Variants in PDGFRB observed in about 807,000 individuals in gnomAD.
PDGFRB encodes platelet derived growth factor receptor beta, also known as platelet-derived growth factor receptor beta.
Under a neutral mutation model 120.2 loss-of-function variants are expected in PDGFRB, and 42 were observed. That is an observed-to-expected ratio of 0.35 (90% CI 0.27 to 0.45). The LOEUF (loss-of-function observed/expected upper bound fraction) is 0.45, where lower values mean the gene tolerates loss of function less well. Among genes scored for constraint, PDGFRB ranks in the 20% least tolerant of loss-of-function variants. PDGFRB has a pLI of 1.00. For synonymous variants in PDGFRB, 586 were observed against 606.8 expected (o/e 0.97, Z 0.50); for missense variants, 1,149 against 1,476.3 (o/e 0.78, Z 3.63).
rs574382077 is a variant in PDGFRB, at chr5:150,125,647, G to A, written c.1675-70C>T. 2.7e-4 allele frequency: 409 copies of A among 1,495,500 alleles called. 1 individual carries two copies. In the African/African-American group the frequency reaches 4.1e-3, roughly 15 times the overall value. 92.6% of individuals were successfully genotyped at this position (1,495,500 alleles called of 1,614,324 possible). The stretch of plus-strand genomic sequence containing the variant: ...GCCCTGAGCCCCATTAGGTTCGTCC[G>A]TCTAGGACACATGGGGCAGGAGACC... On this transcript the variant is annotated intron_variant, in intron 11 of 22. Transcript: ENST00000261799.
intron 1 of PDGFRB, among the ~76,000 whole-genome samples, chr5:150,146,721 C>T (rs1293032600): frequency 6.6e-6 from 1 of 152,142 alleles, no homozygotes; most frequent in African/African-American, 2.4e-5. Context: ...ACCACAACTG[C>T]CAAAACCTGA....
At position 150,130,590 on chromosome 5, in the gene PDGFRB, C is replaced by T. The variant is rs746042729; in HGVS notation, c.1316G>A (p.Arg439Gln). 51 of 1,611,906 alleles carry T rather than the reference C, an allele frequency of 3.2e-5. No homozygotes were observed. Among genetic ancestry groups the T allele is most frequent in the South Asian group, 2.0e-4 (18 of 90,866 alleles). Residue 439 changes from arginine (R) to glutamine (Q), a missense_variant, in exon 9 of 23, where the codon CGG becomes CAG. Around this residue, in one of 3 missense-constraint regions of PDGFRB, gnomAD observed 879 missense variants for 1,108.6 expected, o/e 0.79. Transcript: ENST00000261799. ...SGEQTVRCRG[R>Q]GMPQPNIIWS... ...GATGATGTTCGGCTGGGGCATGCCC[C>T]GGCCACGACAGCGGACTGTCTGTTC...
intron 1 of PDGFRB, chr5:150,137,405 C>G (rs1760663133): frequency 4.7e-6 from 1 of 213,070 alleles, no homozygotes; most frequent in South Asian, 1.2e-4. Context: ...CCTACCAGCT[C>G]TGACAGCCTG....
rs890800361 is a variant in PDGFRB, at chr5:150,133,995, G to T, written c.645C>A (p.Asn215Lys). The stretch of plus-strand genomic sequence containing the variant: ...CAGTCTGCACTGCGTTCACAGAGAC[G>T]TTGATGGATGACACTGGTAGAGAGA... Reference protein sequence around the residue: ...YVYRLQVSSINVSVNAVQTVV... With the variant: ...YVYRLQVSSIKVSVNAVQTVV... The change falls in exon 5 of 23, where the codon AAC becomes AAA. Residue 215 changes from asparagine to lysine, a missense_variant. Coordinates refer to ENST00000261799, the MANE Select transcript of PDGFRB (RefSeq NM_002609.4). 1 of 1,614,020 alleles carries T rather than the reference G, an allele frequency of 6.2e-7. No individual in the cohort carries two copies. Among genetic ancestry groups the T allele is most frequent in the Non-Finnish European group, 8.5e-7 (1 of 1,179,928 alleles).
chr5:150,155,068 C>T (rs1395999854), intron 1 of PDGFRB, among the ~76,000 whole-genome samples: 1 of 152,102 alleles, frequency 6.6e-6, no homozygotes, highest in African/African-American at 2.4e-5. Context: ...CCCTCTCCCG[C>T]TCTTCCCAGC....
chr5:150,129,041 G>A (rs1184919172), intron 10 of PDGFRB, among the ~76,000 whole-genome samples: 1 of 152,170 alleles, frequency 6.6e-6, no homozygotes, highest in Non-Finnish European at 1.5e-5. Flanking sequence ...GAAATTACAC[G>A]TGTATGTGTA....
At chr5:150,153,640 C>T (rs559664781) in intron 1 of PDGFRB, 1 of 152,308 alleles carries the variant, frequency 6.6e-6, no homozygotes, top group Admixed American at 6.5e-5. Context: ...GGTAGGTGTT[C>T]AGGGACTGTA....
intron 1 of PDGFRB, among the ~76,000 whole-genome samples, chr5:150,155,178 G>C (rs900536141): frequency 1.3e-5 from 2 of 152,072 alleles, no homozygotes; most frequent in African/African-American, 4.8e-5. Flanking sequence ...CAGCAGGGAT[G>C]ATGAGGTGGA....
chr5:150,115,805 C>T lies in PDGFRB; in HGVS notation c.3279G>A (p.Gly1093=), dbSNP rs770720319. 1 of 1,612,322 alleles carries T rather than the reference C, an allele frequency of 6.2e-7. No homozygotes were observed. The highest frequency in any genetic ancestry group is 8.5e-7 in the Non-Finnish European group (1 of 1,179,280). The stretch of plus-strand genomic sequence containing the variant: ...CTGCTTCCGCCCGAGGCGCAGGGCA[C>T]CCCGAATCCGGCAACTGTTCCAGCT... The part of the protein sequence containing the change: ...EPELEQLPDS[G]CPAPRAEAED... Residue 1093 remains glycine, a synonymous_variant, in exon 23 of 23, where the codon GGG becomes GGA. Transcript: ENST00000261799.
Position 150,129,748 on chromosome 5 carries a change from G to T in PDGFRB, c.1579+9C>A, listed in dbSNP as rs1760400252. ...GGATCGTCAGGGGCCACTGAGGCTG[G>T]GGACTCACAGTGTGGCACCACGATG... On this transcript the variant is annotated intron_variant, in intron 10 of 22. Transcript: ENST00000261799. 6.2e-7 allele frequency: 1 copy of T among 1,605,392 alleles called. No homozygotes were observed.
chr5:150,133,530 G>C, intron 6 of PDGFRB, 56 bp downstream of exon 6: 2 of 1,442,510 alleles, frequency 1.4e-6, no homozygotes, highest in South Asian at 2.3e-5. Context: ...AGCAAAGTGG[G>C]TGAGGGTGGG....
chr5:150,153,161 C>T (rs868232838), intron 1 of PDGFRB, among the ~76,000 whole-genome samples: 1 of 152,198 alleles, frequency 6.6e-6, no homozygotes, highest in Non-Finnish European at 1.5e-5. Context: ...TCTGGATCCA[C>T]GGTGCTTTCC....
intron 14 of PDGFRB, 131 bp downstream of exon 14, chr5:150,124,119 C>T (rs1309032498): frequency 7.2e-6 from 4 of 556,270 alleles, no homozygotes; most frequent in South Asian, 2.9e-5. Context: ...GCAGTGAGGG[C>T]GCTGGAGCGG....
Position 150,125,586 on chromosome 5 carries a change from C to G in PDGFRB, c.1675-9G>C, listed in dbSNP as rs2113897231. On this transcript the variant is annotated splice_polypyrimidine_tract_variant and intron_variant, in intron 11 of 22. Transcript: ENST00000261799. ...ATCTCGTAACGTGGCTTCTGGAGGA[C>G]CAACCCCAGGAATTAGTTATCAGAG... The G allele has an allele frequency of 1.9e-6, 3 of 1,613,650 alleles. No individual in the cohort carries two copies. Among genetic ancestry groups the G allele is most frequent in the Non-Finnish European group, 2.5e-6 (3 of 1,179,672 alleles).
rs746412703 is a variant in PDGFRB at position 150,135,011 on chromosome 5, T to C, written c.370A>G (p.Thr124Ala). 2.0e-5 allele frequency: 31 copies of C among 1,558,344 alleles called. No homozygotes were observed. In the East Asian group the frequency reaches 6.5e-4, roughly 33 times the overall value. ...GCATCATTAGGGAGGAAGCCCACGG[T>C]GGGATCTGCCAGGAGTGGAGCCGTG... is the stretch of plus-strand genomic sequence containing the variant. ...KRLYIFVPDPTVGFLPNDAEE... is the reference protein window; with the variant it reads ...KRLYIFVPDPAVGFLPNDAEE... The change falls in exon 4 of 23, where the codon ACC (threonine) becomes GCC (alanine). Residue 124 changes from threonine (T) to alanine (A), a missense_variant. Thr to Ala is a moderately conservative substitution (Grantham distance 58, BLOSUM62 0). Around this residue, in one of 3 missense-constraint regions of PDGFRB, gnomAD observed 879 missense variants for 1,108.6 expected, o/e 0.79. Coordinates refer to ENST00000261799, the MANE Select transcript of PDGFRB (RefSeq NM_002609.4).
At position 150,155,844 on chromosome 5, in the gene PDGFRB, C is replaced by G; in HGVS notation, c.-454G>C. The G allele has an allele frequency of 1.0e-5, 4 of 396,630 alleles. No individual in the cohort carries two copies. The highest frequency in any genetic ancestry group is 1.8e-5 in the Non-Finnish European group (4 of 225,394). 24.6% of individuals were successfully genotyped at this position (396,630 alleles called of 1,614,324 possible). The stretch of plus-strand genomic sequence containing the variant: ...TAGGGCGGGCAGTCACTGCTGGCTG[C>G]TGGCAGCCTCAGGAGCTCACACCAC... On this transcript the variant is annotated 5_prime_UTR_variant, in exon 1 of 23. Coordinates refer to ENST00000261799, the MANE Select transcript of PDGFRB (RefSeq NM_002609.4).
chr5:150,143,869 C>T (rs1760845843), intron 1 of PDGFRB, among the ~76,000 whole-genome samples: 1 of 152,070 alleles, frequency 6.6e-6, no homozygotes, highest in Admixed American at 6.5e-5. Context: ...ACGAACCTCC[C>T]CACCAGCCTC....
chr5:150,126,603 TA>T lies in PDGFRB; in HGVS notation c.1590del (p.Phe530LeufsTer5). 1 of 1,597,778 alleles carries T rather than the reference TA, an allele frequency of 6.3e-7. No homozygotes were observed. Among genetic ancestry groups the T allele is most frequent in the Non-Finnish European group, 8.6e-7 (1 of 1,165,440 alleles). ...AGGATGGCTGAGATCACCACCACCT[TA>T]AAGGGCAAGGCTGGAGGCAGAGATG... ...EVIVVPHSLP[F>X]KVVVISAILA... On this transcript the variant is annotated frameshift_variant, in exon 11 of 23. Transcript: ENST00000261799. LOFTEE classifies it high-confidence loss of function.
Position 150,123,201 on chromosome 5 carries a change from C to T in PDGFRB, c.2024G>A (p.Gly675Glu), listed in dbSNP as rs1176688330. The T allele has an allele frequency of 6.2e-7, 1 of 1,612,386 alleles. No individual in the cohort carries two copies. Among genetic ancestry groups the T allele is most frequent in the Non-Finnish European group, 8.5e-7 (1 of 1,179,434 alleles). ...GTACTCAGTGATGATATAGATGGGT[C>T]CTGCAGAGGGACAGGCTCAGGGACA... ...VNLLGACTKGGPIYIITEYCR... is the reference protein window; with the variant it reads ...VNLLGACTKGEPIYIITEYCR... Residue 675 changes from glycine (G) to glutamate (E), a missense_variant and splice_region_variant, in exon 15 of 23, where the codon GGA becomes GAA. Around this residue, in one of 3 missense-constraint regions of PDGFRB, gnomAD observed 879 missense variants for 1,108.6 expected, o/e 0.79. Transcript: ENST00000261799.
Sources: allele counts gnomAD v4.1 joint callset (sites outside exome capture counted in the v4.1 genomes callset), GRCh38; gene constraint gnomAD v4.1.1; regional missense constraint gnomAD v4.1.1; transcripts MANE v1.5; gene names NCBI Gene and HGNC (gene_info 2026-07-23, HGNC 2026-07-21).